The following FSIP1 variants were observed in gnomAD, a reference collection of about 807,000 sequenced individuals.
FSIP1 encodes the protein fibrous sheath interacting protein 1, also known as fibrous sheath-interacting protein 1.
In FSIP1, 65 loss-of-function variants were observed where a neutral mutation model predicts 60.9. The observed-to-expected ratio is 1.07, with a 90% confidence interval of 0.87 to 1.31. The LOEUF is 1.31. FSIP1 is among the 40% of genes most tolerant of loss of function. FSIP1 has a pLI of 0.00. For missense variants in FSIP1, 675 were observed against 665.5 expected, an observed-to-expected ratio of 1.01 and a Z score of -0.16; for synonymous variants, 209 against 221.2, an observed-to-expected ratio of 0.94 and a Z score of 0.49.
intron 10 of FSIP1, among the ~76,000 whole-genome samples, chr15:39,647,358 T>C (rs1296157203): frequency 6.6e-6 from 1 of 152,230 alleles, no homozygotes; most frequent in Non-Finnish European, 1.5e-5. Flanking sequence ...CATCATGTTG[T>C]ATACTTCAAA....
At position 39,664,068 on chromosome 15, in the gene FSIP1, G is replaced by A. The variant is rs183376328; in HGVS notation, c.1189-45823C>T. Among the ~76,000 whole-genome samples, 6 of 151,768 alleles carry A rather than the reference G, an allele frequency of 4.0e-5. No homozygotes were observed. In the East Asian group the frequency reaches 9.6e-4, roughly 24 times the overall value. On this transcript the variant is annotated intron_variant, in intron 10 of 11. Transcript: ENST00000350221. ...ATCCCGCAGCATAACCAGCCAGGGT[G>A]GGTGGGGGAAGGGTCTTCACATTTA...
chr15:39,659,225 A>C (rs1893191009), intron 10 of FSIP1, among the ~76,000 whole-genome samples: 1 of 152,144 alleles, frequency 6.6e-6, no homozygotes. Flanking sequence ...ATAGTGGTGA[A>C]GGATGTACCC....
At chr15:39,615,928 A>G (rs2140377584) in intron 11 of FSIP1, among the ~76,000 whole-genome samples, 1 of 152,022 alleles carries the variant, frequency 6.6e-6, no homozygotes, top group Admixed American at 6.5e-5. Flanking sequence ...GTATGTTTCA[A>G]AATAACTAAG....
chr15:39,654,437 G>A (rs1165777159), intron 10 of FSIP1, among the ~76,000 whole-genome samples: 4 of 152,130 alleles, frequency 2.6e-5, no homozygotes, highest in African/African-American at 9.7e-5. Flanking sequence ...GACCACCGTC[G>A]TATATGCAGT....
chr15:39,739,286 C>T (rs1424902072), intron 7 of FSIP1, among the ~76,000 whole-genome samples: 1 of 152,070 alleles, frequency 6.6e-6, no homozygotes, highest in Non-Finnish European at 1.5e-5. Context: ...AATGTACTGG[C>T]TACAAAATCA....
chr15:39,769,864 T>C (rs896322368), intron 3 of FSIP1, among the ~76,000 whole-genome samples: 10 of 152,182 alleles, frequency 6.6e-5, no homozygotes, highest in African/African-American at 2.4e-4. Flanking sequence ...GTCAGTATGG[T>C]GGACACAAAG....
intron 5 of FSIP1, among the ~76,000 whole-genome samples, chr15:39,756,549 T>C (rs954352408): frequency 6.6e-6 from 1 of 151,872 alleles, no homozygotes; most frequent in African/African-American, 2.4e-5. Context: ...GTAGCCCAGG[T>C]TGGTCTCGAA....
Position 39,611,237 on chromosome 15 carries a change from G to T in FSIP1, c.1699+6498C>A, listed in dbSNP as rs187653527. ...AATCATAAAAGTTGTCGGGGGGAGG[G>T]CGTTAAAGTATTGAGATTTTATATG... On this transcript the variant is annotated intron_variant, in intron 11 of 11. Transcript: ENST00000350221. 1.6e-4 allele frequency among the ~76,000 whole-genome samples: 24 copies of T among 152,120 alleles called. No individual in the cohort carries two copies. The Middle Eastern group carries it at 0.017, about 108-fold the overall frequency.
At chr15:39,694,990 G>C (rs879161208) in intron 10 of FSIP1, among the ~76,000 whole-genome samples, 1 of 152,104 alleles carries the variant, frequency 6.6e-6, no homozygotes, top group Non-Finnish European at 1.5e-5. Flanking sequence ...ATCTGTAACA[G>C]AGATGTGCTG....
At chr15:39,696,220 T>C (rs879287208) in intron 10 of FSIP1, among the ~76,000 whole-genome samples, 6 of 152,144 alleles carry the variant, frequency 3.9e-5, no homozygotes, top group Admixed American at 3.3e-4. Context: ...ACTTTAGAGG[T>C]AGTAAAATCT....
intron 10 of FSIP1, among the ~76,000 whole-genome samples, chr15:39,669,137 C>T (rs1166290399): frequency 6.6e-6 from 1 of 152,132 alleles, no homozygotes; most frequent in Non-Finnish European, 1.5e-5. Flanking sequence ...AACCTTAGGG[C>T]CAGCCTCAGC....
intron 11 of FSIP1, among the ~76,000 whole-genome samples, chr15:39,604,650 T>C (rs1890758363): frequency 6.6e-6 from 1 of 152,122 alleles, no homozygotes; most frequent in Admixed American, 6.6e-5. Flanking sequence ...CCAAATAAAC[T>C]CTGGAAGAGC....
At position 39,717,103 on chromosome 15, in the gene FSIP1, C is replaced by G. The variant is rs529683551; in HGVS notation, c.1051-3522G>C. Among the ~76,000 whole-genome samples the G allele has an allele frequency of 2.0e-5, 3 of 152,000 alleles. No individual in the cohort carries two copies. The East Asian group carries it at 5.8e-4, about 29-fold the overall frequency. On this transcript the variant is annotated intron_variant, in intron 9 of 11. Transcript: ENST00000350221. ...CTGGGATTACAGGTGTGAGCCACCA[C>G]GCCAAAACAGGCCATTTCTTAAAAA...
chr15:39,678,849 T>C (rs1894047918), intron 10 of FSIP1, among the ~76,000 whole-genome samples: 1 of 152,204 alleles, frequency 6.6e-6, no homozygotes, highest in Non-Finnish European at 1.5e-5. Context: ...CCACAAAAGC[T>C]ACTAAAATTA....
chr15:39,679,950 C>T (rs1280989470), intron 10 of FSIP1, among the ~76,000 whole-genome samples: 1 of 152,114 alleles, frequency 6.6e-6, no homozygotes, highest in Non-Finnish European at 1.5e-5. Flanking sequence ...TTCATTTGAA[C>T]GTTTATAACC....
chr15:39,646,315 C>A (rs1156646795), intron 10 of FSIP1, among the ~76,000 whole-genome samples: 1 of 151,902 alleles, frequency 6.6e-6, no homozygotes, highest in Non-Finnish European at 1.5e-5. Context: ...CTGTGTACCT[C>A]ATTTTTCCTG....
chr15:39,625,756 G>C (rs1891614319), intron 10 of FSIP1, among the ~76,000 whole-genome samples: 1 of 152,324 alleles, frequency 6.6e-6, no homozygotes, highest in South Asian at 2.1e-4. Flanking sequence ...CTGGCCAGGA[G>C]ATGAGGTGCA....
chr15:39,698,191 G>GTATATATA (rs3065120), intron 10 of FSIP1, among the ~76,000 whole-genome samples: 1 of 146,918 alleles, frequency 6.8e-6, no homozygotes, highest in African/African-American at 2.5e-5. Context: ...AATATTAATT[G>GTATATATA]TATATATATA....
rs144264895 is a variant in FSIP1 at position 39,655,784 on chromosome 15, T to C, written c.1189-37539A>G. Among the ~76,000 whole-genome samples, 51 of 152,294 alleles carry C rather than the reference T, an allele frequency of 3.3e-4. No homozygotes were observed. In the East Asian group the frequency reaches 8.3e-3, roughly 25 times the overall value. On this transcript the variant is annotated intron_variant, in intron 10 of 11. Coordinates refer to ENST00000350221, the MANE Select transcript of FSIP1 (RefSeq NM_152597.5). ...GTCAACCTAGAGGAAGACTATGATA[T>C]ATTTTGAAATGATCTTAGGATAGGA... is the stretch of plus-strand genomic sequence containing the variant.
Sources: gnomAD v4.1 joint callset for allele counts (sites outside exome capture counted in the v4.1 genomes callset) on GRCh38, gnomAD v4.1.1 for gene constraint, MANE v1.5 for transcripts, NCBI Gene and HGNC (gene_info 2026-07-23, HGNC 2026-07-21) for gene names.